Variants in DCLK1 observed in about 807,000 individuals in gnomAD.
DCLK1 encodes the protein serine/threonine-protein kinase DCLK1.
Under a neutral mutation model 86.2 loss-of-function variants are expected in DCLK1, and 16 were observed. The ratio of observed to expected loss-of-function variants is 0.19; its 90% confidence interval spans 0.13 to 0.28. DCLK1 has a LOEUF of 0.28. Ranked by LOEUF, DCLK1 falls within the 10% of genes least tolerant of loss-of-function variation. The pLI is 1.00. For missense variants in DCLK1, 590 were observed against 940.2 expected (o/e 0.63, Z 4.87); for synonymous variants, 369 against 370.5 (o/e 1.00, Z 0.05).
At chr13:35,815,991 A>C (rs1424661516) in intron 11 of DCLK1, among the ~76,000 whole-genome samples, 2 of 152,208 alleles carry the variant, frequency 1.3e-5, no homozygotes, top group Non-Finnish European at 2.9e-5. Context: ...AAGATGGAGA[A>C]GTGAACGGAA....
At chr13:35,850,681 A>T (rs1253141809) in intron 6 of DCLK1, 1 of 1,515,494 alleles carries the variant, frequency 6.6e-7, no homozygotes, top group Admixed American at 2.1e-5. Flanking sequence ...TGAAACCTTC[A>T]CCCAATCACA....
At chr13:36,128,847 T>C (rs1444864042) in intron 1 of DCLK1, among the ~76,000 whole-genome samples, 2 of 152,220 alleles carry the variant, frequency 1.3e-5, no homozygotes, top group African/African-American at 4.8e-5. Flanking sequence ...TAGGCATTAG[T>C]TGTTAAACAG....
intron 3 of DCLK1, among the ~76,000 whole-genome samples, chr13:36,077,948 CACTA>C (rs1884269250): frequency 6.6e-6 from 1 of 152,184 alleles, no homozygotes; most frequent in Non-Finnish European, 1.5e-5. Context: ...TGGATTTTCT[CACTA>C]ACCAGTAATT....
chr13:35,845,280 T>C (rs1870096055), intron 6 of DCLK1, among the ~76,000 whole-genome samples: 1 of 152,182 alleles, frequency 6.6e-6, no homozygotes, highest in Non-Finnish European at 1.5e-5. Flanking sequence ...TCTAGCTTGG[T>C]CAGCAGAATT....
chr13:35,946,744 A>C (rs1401362666), intron 4 of DCLK1, among the ~76,000 whole-genome samples: 14 of 152,232 alleles, frequency 9.2e-5, no homozygotes, highest in Admixed American at 9.2e-4. Context: ...AATAGTATCA[A>C]AAATATCATT....
intron 4 of DCLK1, among the ~76,000 whole-genome samples, chr13:35,920,513 G>A (rs577998570): frequency 5.9e-5 from 9 of 151,952 alleles, no homozygotes; most frequent in African/African-American, 2.2e-4. Flanking sequence ...TAGGCTTGAA[G>A]CAGGAATTGA....
intron 3 of DCLK1, among the ~76,000 whole-genome samples, chr13:36,017,168 A>T (rs1283744631): frequency 1.3e-5 from 2 of 152,226 alleles, no homozygotes; most frequent in Non-Finnish European, 2.9e-5. Context: ...GGAAGGAGAC[A>T]AGGATCATAG....
intron 6 of DCLK1, chr13:35,845,806 G>A (rs1396166896): frequency 4.1e-6 from 2 of 493,636 alleles, no homozygotes; most frequent in African/African-American, 2.1e-5. Context: ...TGCCATACAC[G>A]TGATTGTGAA....
At chr13:36,066,029 T>C (rs1883739535) in intron 3 of DCLK1, among the ~76,000 whole-genome samples, 1 of 151,998 alleles carries the variant, frequency 6.6e-6, no homozygotes, top group African/African-American at 2.4e-5. Context: ...AAACACACAA[T>C]AAAAAATACA....
chr13:36,017,629 C>G (rs1881590696), intron 3 of DCLK1, among the ~76,000 whole-genome samples: 1 of 152,176 alleles, frequency 6.6e-6, no homozygotes, highest in African/African-American at 2.4e-5. Flanking sequence ...TTCTCAATCT[C>G]TGAAACTAGT....
At chr13:36,062,322 T>G (rs1306991693) in intron 3 of DCLK1, among the ~76,000 whole-genome samples, 3 of 152,138 alleles carry the variant, frequency 2.0e-5, no homozygotes, top group African/African-American at 7.2e-5. Flanking sequence ...GAAGGCCATA[T>G]GGATGTTGCC....
rs1038495714 is a variant in DCLK1, at chr13:35,770,896, G to T, written c.*3639C>A. 2 of 152,132 alleles carry T rather than the reference G, an allele frequency of 1.3e-5. No individual in the cohort carries two copies. Among genetic ancestry groups the T allele is most frequent in the Non-Finnish European group, 2.9e-5 (2 of 68,024 alleles). 9.4% of individuals were successfully genotyped at this position (152,132 alleles called of 1,614,324 possible). A position where few individuals can be genotyped will look rare whatever the true frequency, so the allele number is the denominator to read the frequency against. On this transcript the variant is annotated 3_prime_UTR_variant, in exon 17 of 17. Coordinates refer to ENST00000360631, the MANE Select transcript of DCLK1 (RefSeq NM_001330071.2). ...AAGTAAACCTTCACTCTTTGGTACA[G>T]CCCTGTATAGCAAACTTCAGCCTGG...
intron 4 of DCLK1, among the ~76,000 whole-genome samples, chr13:35,912,183 C>T (rs1188602532): frequency 1.3e-5 from 2 of 152,076 alleles, no homozygotes; most frequent in African/African-American, 2.4e-5. Flanking sequence ...ATGCAGGGGG[C>T]TCTCAGGCAA....
intron 3 of DCLK1, among the ~76,000 whole-genome samples, chr13:35,963,814 T>C (rs1392742141): frequency 6.6e-6 from 1 of 152,168 alleles, no homozygotes; most frequent in African/African-American, 2.4e-5. Flanking sequence ...TGCAGCCATG[T>C]AAGACATGCC....
rs568110221 is a variant in DCLK1, at chr13:36,045,377, T to TATATCTATATATCTATATATAC, written c.723+66491_723+66492insGTATATATAGATATATAGATAT. Among the ~76,000 whole-genome samples, 51 of 125,052 alleles carry TATATCTATATATCTATATATAC rather than the reference T, an allele frequency of 4.1e-4. 1 individual carries two copies. The East Asian group carries it at 5.8e-3, about 14-fold the overall frequency. The allele number at this position is 125,052 out of a possible 152,430, so 82.0% of individuals were successfully genotyped here. A position where few individuals can be genotyped will look rare whatever the true frequency, so the allele number is the denominator to read the frequency against. On this transcript the variant is annotated intron_variant, in intron 3 of 16. Transcript: ENST00000360631. Reference sequence around the variant, plus strand: ...ATATATATATATATATATATATATATTTCAAGGTAAATTGCTAACATCAGT... The same window carrying TATATCTATATATCTATATATAC: ...ATATATATATATATATATATATATATATATCTATATATCTATATATACTTCAAGGTAAATTGCTAACATCAGT...
chr13:36,040,762 C>A (rs1882675832), intron 3 of DCLK1, among the ~76,000 whole-genome samples: 1 of 152,024 alleles, frequency 6.6e-6, no homozygotes, highest in African/African-American at 2.4e-5. Context: ...CACTTACTAC[C>A]TATTCAATCT....
At chr13:36,120,679 A>AAG (rs56910117) in intron 2 of DCLK1, among the ~76,000 whole-genome samples, 1 of 151,694 alleles carries the variant, frequency 6.6e-6, no homozygotes, top group African/African-American at 2.4e-5. Flanking sequence ...GTTAATAAAA[A>AAG]CCCTAACCTG....
chr13:36,073,120 A>G (rs1375915810), intron 3 of DCLK1, among the ~76,000 whole-genome samples: 1 of 152,186 alleles, frequency 6.6e-6, no homozygotes, highest in African/African-American at 2.4e-5. Context: ...AAATTCACTC[A>G]TTTTAATCGT....
At chr13:36,107,942 G>A (rs1885459121) in intron 3 of DCLK1, among the ~76,000 whole-genome samples, 1 of 152,142 alleles carries the variant, frequency 6.6e-6, no homozygotes, top group Admixed American at 6.5e-5. Flanking sequence ...ACTTGGGCAA[G>A]AGGAAGAGAC....
Sources: gnomAD v4.1 joint callset for allele counts (sites outside exome capture counted in the v4.1 genomes callset) on GRCh38, gnomAD v4.1.1 for gene constraint, MANE v1.5 for transcripts, NCBI Gene and HGNC (gene_info 2026-07-23, HGNC 2026-07-21) for gene names.